Variants in STAC observed in about 807,000 individuals in gnomAD.
STAC encodes the protein SH3 and cysteine rich domain.
Under a neutral mutation model 48.8 loss-of-function variants are expected in STAC, and 43 were observed. The observed-to-expected ratio is 0.88, with a 90% CI of 0.69 to 1.14. STAC has a LOEUF of 1.14. Among genes scored for constraint, STAC ranks in the 50% most tolerant of loss-of-function variants. The pLI, the probability that STAC is intolerant of heterozygous loss-of-function variation, is 0.00. For synonymous variants in STAC, 193 were observed against 179.5 expected (o/e 1.07, Z -0.60); for missense variants, 497 against 504.0 (o/e 0.99, Z 0.13).
chr3:36,421,902 G>C (rs1575188048), intron 1 of STAC, among the ~76,000 whole-genome samples: 1 of 151,782 alleles, frequency 6.6e-6, no homozygotes, highest in East Asian at 1.9e-4. Context: ...AATCTAGTTT[G>C]GTCATCTCAG....
At chr3:36,485,134 G>T (rs1415496034) in intron 4 of STAC, 76 bp downstream of exon 4, 3 of 1,267,478 alleles carry the variant, frequency 2.4e-6, no homozygotes, top group Non-Finnish European at 3.3e-6. Flanking sequence ...TCCTCCCATG[G>T]CTGCAAAACC....
chr3:36,502,398 G>C (rs139047542), intron 6 of STAC, among the ~76,000 whole-genome samples: 83 of 152,118 alleles, frequency 5.5e-4, no homozygotes, highest in Admixed American at 1.6e-3. Flanking sequence ...AATTATTTTT[G>C]CAACCTTCCA....
intron 8 of STAC, among the ~76,000 whole-genome samples, chr3:36,519,406 A>C (rs1182913509): frequency 6.6e-6 from 1 of 152,192 alleles, no homozygotes; most frequent in African/African-American, 2.4e-5. Flanking sequence ...ATTTACAGGT[A>C]GAAAATGGAA....
chr3:36,501,769 T>C (rs780327771), intron 6 of STAC, among the ~76,000 whole-genome samples: 1 of 152,080 alleles, frequency 6.6e-6, no homozygotes, highest in Non-Finnish European at 1.5e-5. Flanking sequence ...AAACAAGAAG[T>C]AGCAAGGAGG....
intron 1 of STAC, among the ~76,000 whole-genome samples, chr3:36,394,611 T>C (rs1699818850): frequency 6.6e-6 from 1 of 152,086 alleles, no homozygotes; most frequent in Admixed American, 6.6e-5. Flanking sequence ...TAAGAAGTGA[T>C]ATAGGCCCGG....
chr3:36,435,129 A>C (rs73065706), intron 1 of STAC, among the ~76,000 whole-genome samples: 3,548 of 152,122 alleles, frequency 0.023, 61 homozygotes, highest in East Asian at 0.026. Context: ...TAAAATGAAC[A>C]CTCTGAGCTA....
intron 8 of STAC, among the ~76,000 whole-genome samples, chr3:36,522,524 T>C (rs1219888300): frequency 6.6e-6 from 1 of 152,206 alleles, no homozygotes; most frequent in Non-Finnish European, 1.5e-5. Context: ...TATCCCCCAA[T>C]GCACACCCAA....
At chr3:36,486,321 T>C (rs371020712) in intron 5 of STAC, 72 bp downstream of exon 5, 3 of 1,330,044 alleles carry the variant, frequency 2.3e-6, no homozygotes, top group African/African-American at 2.9e-5. Context: ...CACTGCAGTA[T>C]GGGGTATTCC....
intron 1 of STAC, among the ~76,000 whole-genome samples, chr3:36,435,989 C>T (rs1700823650): frequency 6.6e-6 from 1 of 152,132 alleles, no homozygotes; most frequent in African/African-American, 2.4e-5. Context: ...ATCACTTCTC[C>T]TCCATGTCTG....
intron 10 of STAC, among the ~76,000 whole-genome samples, chr3:36,538,676 T>G (rs1699254347): frequency 6.6e-6 from 1 of 152,214 alleles, no homozygotes; most frequent in Admixed American, 6.5e-5. Flanking sequence ...AATTTAACAT[T>G]ATTATTTTTT....
At chr3:36,479,962 G>A (rs889820132) in intron 2 of STAC, among the ~76,000 whole-genome samples, 7 of 152,184 alleles carry the variant, frequency 4.6e-5, no homozygotes, top group Admixed American at 4.6e-4. Context: ...ATTCCAGAGT[G>A]GACATTGAAA....
At chr3:36,390,508 T>C (rs1349472714) in intron 1 of STAC, among the ~76,000 whole-genome samples, 4 of 145,676 alleles carry the variant, frequency 2.7e-5, no homozygotes, top group Non-Finnish European at 1.5e-5. Context: ...ATTATATTAA[T>C]AGATATCCTA....
chr3:36,446,787 G>T (rs1696518918), intron 2 of STAC, among the ~76,000 whole-genome samples: 1 of 152,142 alleles, frequency 6.6e-6, no homozygotes. Context: ...GTTTTTAATT[G>T]AAATTCACTT....
intron 6 of STAC, among the ~76,000 whole-genome samples, chr3:36,493,942 A>G (rs1176739530): frequency 6.6e-6 from 1 of 151,600 alleles, no homozygotes; most frequent in Non-Finnish European, 1.5e-5. Context: ...CGAGGTCAGG[A>G]GATCGAGACC....
chr3:36,468,750 A>G (rs548962971), intron 2 of STAC, among the ~76,000 whole-genome samples: 69 of 145,520 alleles, frequency 4.7e-4, no homozygotes, highest in African/African-American at 1.5e-3. Context: ...AAATACATAT[A>G]TGTGTGTGTG....
chr3:36,484,030 G>A (rs116454290), intron 3 of STAC, among the ~76,000 whole-genome samples: 2,644 of 152,250 alleles, frequency 0.017, 22 homozygotes, highest in Non-Finnish European at 0.021. Flanking sequence ...TAGAAAGGAC[G>A]AAGAATGTCT....
intron 1 of STAC, among the ~76,000 whole-genome samples, chr3:36,403,401 G>GT (rs1220367537): frequency 6.7e-5 from 10 of 149,628 alleles, no homozygotes; most frequent in Admixed American, 2.0e-4. Context: ...AAAACAGTTT[G>GT]TTTTTTTTTA....
intron 8 of STAC, among the ~76,000 whole-genome samples, chr3:36,508,463 C>G (rs967309375): frequency 6.6e-6 from 1 of 152,084 alleles, no homozygotes; most frequent in African/African-American, 2.4e-5. Flanking sequence ...GAGTTCAAGT[C>G]CTGAAGATCC....
At chr3:36,398,415 G>A (rs1307908619) in intron 1 of STAC, among the ~76,000 whole-genome samples, 15 of 1,242 alleles carry the variant, frequency 0.012, no homozygotes, top group Non-Finnish European at 0.025. Flanking sequence ...AAAGAGAGAG[G>A]GAAGGAAGGA....
Sources: gnomAD v4.1 joint callset for allele counts (sites outside exome capture counted in the v4.1 genomes callset) on GRCh38, gnomAD v4.1.1 for gene constraint, MANE v1.5 for transcripts, NCBI Gene and HGNC (gene_info 2026-07-23, HGNC 2026-07-21) for gene names.